ODF2: variants seen among roughly 807,000 people sequenced by gnomAD.
ODF2 encodes the protein outer dense fiber protein 2.
Under a neutral mutation model 110.2 loss-of-function variants are expected in ODF2, and 47 were observed. That is an observed-to-expected ratio of 0.43 (90% confidence interval 0.34 to 0.54). The LOEUF is 0.54. ODF2 is among the 20% of genes least tolerant of loss of function. The pLI is 0.03. For missense variants in ODF2, 812 were observed against 1,054.5 expected (o/e 0.77, Z 3.19); for synonymous variants, 352 against 397.7 (o/e 0.89, Z 1.37).
upstream of ODF2, chr9:128,455,913 C>T (rs1834657297): frequency 2.9e-6 from 4 of 1,372,834 alleles, no homozygotes; most frequent in South Asian, 3.3e-5. Context: ...CGGGAAAGGC[C>T]TTGAATGGGG....
Position 128,456,426 on chromosome 9 carries a change from C to A in ODF2, c.-209+171C>A, listed in dbSNP as rs1395431371. 2.0e-6 allele frequency: 3 copies of A among 1,484,466 alleles called. No individual in the cohort carries two copies. In the Admixed American group the frequency reaches 7.4e-5, roughly 37 times the overall value. The allele number at this position is 1,484,466 out of a possible 1,614,324, so 92.0% of individuals were successfully genotyped here. On this transcript the variant is annotated intron_variant, in intron 1 of 20. Coordinates refer to ENST00000604420, the Ensembl canonical transcript of ODF2. ...GAACCTGGGCCCCCGCCCCGCCCAC[C>A]GGCGCGGGGCCTCTCCTCCTCCCGC...
rs186884379 is a variant in ODF2, at chr9:128,481,453, G to A, written c.844-127G>A. ...GATTGCACCACTGCACTCCAGCCTG[G>A]GCAACAGAGTAAGACTCTAAAAAAA... On this transcript the variant is annotated intron_variant, in intron 8 of 20. Coordinates refer to ENST00000604420, the Ensembl canonical transcript of ODF2. 224 of 629,368 alleles carry A rather than the reference G, an allele frequency of 3.6e-4. 1 individual carries two copies. Among genetic ancestry groups the A allele is most frequent in the Non-Finnish European group, 1.9e-4 (71 of 381,576 alleles). 39.0% of individuals were successfully genotyped at this position (629,368 alleles called of 1,614,324 possible). A position where few individuals can be genotyped will look rare whatever the true frequency, so the allele number is the denominator to read the frequency against.
chr9:128,465,611 C>T (rs1218280279), intron 4 of ODF2, among the ~76,000 whole-genome samples: 1 of 151,954 alleles, frequency 6.6e-6, no homozygotes, highest in Non-Finnish European at 1.5e-5. Context: ...CATGGTGGCA[C>T]GCTCCTGTAG....
At chr9:128,499,044 C>T in exon 20 of ODF2, 1 of 1,614,182 alleles carries the variant, frequency 6.2e-7, no homozygotes, top group East Asian at 2.2e-5. Flanking sequence ...GAGCGAGCAG[C>T]CCAGAACAAA....
At chr9:128,472,496 A>ACTGT (rs1257194368) in intron 6 of ODF2, among the ~76,000 whole-genome samples, 1 of 152,178 alleles carries the variant, frequency 6.6e-6, no homozygotes, top group Non-Finnish European at 1.5e-5. Context: ...GGCTTTAGCC[A>ACTGT]CTGTATCCAG....
chr9:128,469,733 G>A (rs768327108), intron 5 of ODF2, among the ~76,000 whole-genome samples: 3 of 151,558 alleles, frequency 2.0e-5, no homozygotes, highest in Admixed American at 6.6e-5. Flanking sequence ...GGTGGCTCAC[G>A]CCTGTAATCC....
rs182235662 is a variant in ODF2 at position 128,484,657 on chromosome 9, T to C, written c.1105-44T>C. The C allele has an allele frequency of 8.4e-4, 1,297 of 1,547,018 alleles. 9 individuals carry two copies. The highest frequency in any genetic ancestry group is 9.6e-5 in the Non-Finnish European group (110 of 1,143,154). On this transcript the variant is annotated intron_variant, in intron 11 of 20. Coordinates refer to ENST00000604420, the Ensembl canonical transcript of ODF2. ...TCTGCTTTGCCTTCCCACAACCTCC[T>C]TGTCTCTCTTCTCCCTCTCTTTCTC...
chr9:128,487,835 A>C (rs1843706118), intron 13 of ODF2, 55 bp from the exon 14 acceptor site: 8 of 1,592,152 alleles, frequency 5.0e-6, no homozygotes, highest in Non-Finnish European at 6.0e-6. Flanking sequence ...ACACACACAC[A>C]AACAAACCTG....
chr9:128,459,685 T>A (rs1228653036), intron 3 of ODF2, 28 bp downstream of exon 2: 2 of 1,564,762 alleles, frequency 1.3e-6, no homozygotes, highest in South Asian at 2.2e-5. Flanking sequence ...GTAGCAGCCC[T>A]CTTTGGTCAC....
At chr9:128,462,612 T>G (rs1254601497) in intron 4 of ODF2, among the ~76,000 whole-genome samples, 2 of 148,680 alleles carry the variant, frequency 1.3e-5, no homozygotes, top group African/African-American at 4.9e-5. Context: ...TTGTTTTTTT[T>G]TTTTTGAGAC....
intron 10 of ODF2, 83 bp from the exon 11 acceptor site, chr9:128,483,855 C>T (rs1842885876): frequency 1.0e-6 from 1 of 969,210 alleles, no homozygotes; most frequent in Non-Finnish European, 1.7e-6. Context: ...CACTGCACTC[C>T]AGCCTGGGAA....
intron 18 of ODF2, 28 bp downstream of exon 18, chr9:128,496,169 C>G (rs183142425): frequency 8.7e-6 from 14 of 1,612,982 alleles, no homozygotes; most frequent in Non-Finnish European, 1.2e-5. Context: ...CCATCTCTGT[C>G]CTCTTCCTAG....
intron 2 of ODF2, chr9:128,457,500 G>T: frequency 1.3e-6 from 2 of 1,512,644 alleles, no homozygotes; most frequent in South Asian, 1.3e-5. Context: ...GGGTCCCCAG[G>T]GCAGGCTCGC....
chr9:128,465,018 C>T lies in ODF2; in HGVS notation c.249+3951C>T, dbSNP rs1056485240. 7.2e-5 allele frequency among the ~76,000 whole-genome samples: 11 copies of T among 152,276 alleles called. No individual in the cohort carries two copies. In the East Asian group the frequency reaches 1.9e-3, roughly 27 times the overall value. ...CCTCCTTGGTAGTTTTCAAAGTACACATCACAGAGATGCTGCTATGAAAAA... is the reference window on the plus strand; with the variant it reads ...CCTCCTTGGTAGTTTTCAAAGTACATATCACAGAGATGCTGCTATGAAAAA... On this transcript the variant is annotated intron_variant, in intron 4 of 20. Transcript: ENST00000604420.
At chr9:128,469,096 C>T (rs755971011) in intron 4 of ODF2, 87 bp from the exon 5 acceptor site, 1 of 1,329,066 alleles carries the variant, frequency 7.5e-7, no homozygotes, top group African/African-American at 1.5e-5. Context: ...CTTTTCCCGT[C>T]TAATCAGTAA....
At chr9:128,470,000 A>T (rs1839341045) in intron 5 of ODF2, among the ~76,000 whole-genome samples, 2 of 39,742 alleles carry the variant, frequency 5.0e-5, no homozygotes, top group African/African-American at 1.9e-4. Flanking sequence ...AAAAAAAAAA[A>T]AAAAAAAAAA....
At position 128,485,775 on chromosome 9, in the gene ODF2, T is replaced by C. The variant is rs1469864089; in HGVS notation, c.1400+301T>C. 6.6e-6 allele frequency among the ~76,000 whole-genome samples: 1 copy of C among 152,160 alleles called. No individual in the cohort carries two copies. Among genetic ancestry groups the C allele is most frequent in the Non-Finnish European group, 1.5e-5 (1 of 68,028 alleles). Reference sequence around the variant, plus strand: ...CCTGGGCCTGATCCTGTCCTCAGTCTACACAGCATTTGAAATGGGCACCGT... The same window carrying C: ...CCTGGGCCTGATCCTGTCCTCAGTCCACACAGCATTTGAAATGGGCACCGT... On this transcript the variant is annotated intron_variant, in intron 13 of 20. Transcript: ENST00000604420. This position sits in a 1 kb window ranked among gnomAD's most constrained non-coding sequence, Gnocchi z 5.0.
At chr9:128,456,798 A>G (rs1834956861) in intron 1 of ODF2, 1 of 1,198,244 alleles carries the variant, frequency 8.3e-7, no homozygotes, top group Non-Finnish European at 1.1e-6. Context: ...CCCGGCGTCT[A>G]TCCTGCTCAG....
intron 2 of ODF2, among the ~76,000 whole-genome samples, chr9:128,458,380 T>G (rs1835496941): frequency 1.3e-5 from 2 of 150,642 alleles, no homozygotes; most frequent in South Asian, 2.1e-4. Flanking sequence ...GAGAATTGCT[T>G]GAAGCCAGGA....
Sources: gnomAD v4.1 joint callset for allele counts (sites outside exome capture counted in the v4.1 genomes callset) on GRCh38, gnomAD v4.1.1 for gene constraint, Gnocchi (gnomAD v3.1) non-coding constraint, MANE v1.5 for transcripts, NCBI Gene and HGNC (gene_info 2026-07-23, HGNC 2026-07-21) for gene names.